Variants in PRKD1 observed in about 807,000 individuals in gnomAD.
The protein encoded by PRKD1 is protein kinase D1.
A neutral mutation model predicts 95.9 loss-of-function variants in PRKD1; 63 were observed. The ratio of observed to expected loss-of-function variants is 0.66; its 90% confidence interval spans 0.54 to 0.81. PRKD1 has a LOEUF of 0.81. Among genes scored for constraint, PRKD1 ranks in the 30% least tolerant of loss-of-function variants. The pLI is 0.00. For synonymous variants in PRKD1, 425 were observed against 423.1 expected, an observed-to-expected ratio of 1.00 and a Z score of -0.05; for missense variants, 1,048 against 1,165.3, an observed-to-expected ratio of 0.90 and a Z score of 1.47.
intron 1 of PRKD1, among the ~76,000 whole-genome samples, chr14:29,905,166 A>T (rs1351918217): frequency 6.6e-6 from 1 of 152,194 alleles, no homozygotes; most frequent in Non-Finnish European, 1.5e-5. Context: ...TTTGGCGCTC[A>T]ACCGAGGGGA....
chr14:29,632,101 A>G (rs1376214243), intron 9 of PRKD1, among the ~76,000 whole-genome samples: 1 of 152,160 alleles, frequency 6.6e-6, no homozygotes, highest in African/African-American at 2.4e-5. Flanking sequence ...GCGCCTGGCC[A>G]ATAGTCATCA....
At chr14:29,750,640 ACACT>A (rs1566579183) in intron 1 of PRKD1, among the ~76,000 whole-genome samples, 1 of 151,668 alleles carries the variant, frequency 6.6e-6, no homozygotes, top group Non-Finnish European at 1.5e-5. Context: ...ACACACACTC[ACACT>A]CACTCAGACT....
chr14:29,857,269 G>T (rs965715535), intron 1 of PRKD1, among the ~76,000 whole-genome samples: 1 of 152,098 alleles, frequency 6.6e-6, no homozygotes, highest in African/African-American at 2.4e-5. Context: ...TCAGGAGCAT[G>T]AACCCTATCC....
intron 1 of PRKD1, among the ~76,000 whole-genome samples, chr14:29,847,627 C>T (rs917249939): frequency 5.3e-5 from 8 of 152,150 alleles, no homozygotes; most frequent in African/African-American, 1.9e-4. Context: ...AACAGACTAA[C>T]AAAAGGATTC....
intron 1 of PRKD1, among the ~76,000 whole-genome samples, chr14:29,805,076 A>G (rs958953704): frequency 1.3e-5 from 2 of 152,230 alleles, no homozygotes; most frequent in African/African-American, 4.8e-5. Context: ...TAATAGCCTT[A>G]AGAATAACAT....
chr14:29,636,393 C>A lies in PRKD1; in HGVS notation c.1087G>T (p.Ala363Ser). ...GCCATCTCTGCATCTTGGACCATTG[C>A]TTCTTCCATATCATCCATGAGCCCA... ...NSGLMDDMEEAMVQDAEMAMA... is the reference protein window; with the variant it reads ...NSGLMDDMEESMVQDAEMAMA... The change falls in exon 7 of 18, where the codon GCA becomes TCA. Residue 363 changes from alanine (A) to serine (S), a missense_variant. This residue lies in a region of PRKD1 where 739 missense variants were observed against 861.9 expected (regional missense o/e 0.86). Transcript: ENST00000331968. The A allele has an allele frequency of 1.2e-6, 2 of 1,614,162 alleles. No individual in the cohort carries two copies. Among genetic ancestry groups the A allele is most frequent in the Non-Finnish European group, 1.7e-6 (2 of 1,180,036 alleles).
chr14:29,851,742 C>T (rs1032879026), intron 1 of PRKD1, among the ~76,000 whole-genome samples: 3 of 151,820 alleles, frequency 2.0e-5, no homozygotes, highest in African/African-American at 7.3e-5. Flanking sequence ...ATCTGTAAAC[C>T]CCAAAATAAA....
intron 1 of PRKD1, among the ~76,000 whole-genome samples, chr14:29,774,549 G>A (rs1888650392): frequency 1.3e-5 from 2 of 152,178 alleles, no homozygotes; most frequent in Admixed American, 1.3e-4. Flanking sequence ...ACCATTGCAG[G>A]TGGAAATACT....
At chr14:29,878,497 A>G (rs1343670930) in intron 1 of PRKD1, among the ~76,000 whole-genome samples, 2 of 152,204 alleles carry the variant, frequency 1.3e-5, no homozygotes, top group Non-Finnish European at 2.9e-5. Flanking sequence ...GCCAAAAGGG[A>G]GAAACAACCA....
chr14:29,613,835 G>GAA (rs1478387336), intron 13 of PRKD1, among the ~76,000 whole-genome samples: 1 of 152,156 alleles, frequency 6.6e-6, no homozygotes, highest in African/African-American at 2.4e-5. Context: ...CCAATCTAAG[G>GAA]AAGGCATACT....
rs577204848 is a variant in PRKD1 at position 29,624,343 on chromosome 14, G to T, written c.1799-85C>A. The T allele has an allele frequency of 1.6e-5, 14 of 867,332 alleles. No homozygotes were observed. In the East Asian group the frequency reaches 3.8e-4, roughly 23 times the overall value. 53.7% of individuals were successfully genotyped at this position (867,332 alleles called of 1,614,324 possible). A position where few individuals can be genotyped will look rare whatever the true frequency, so the allele number is the denominator to read the frequency against. ...ACTAAAATTTGCAAGGACATTTAAA[G>T]AAATGATAAACATATTTCACTGAAT... On this transcript the variant is annotated intron_variant, in intron 12 of 17. Coordinates refer to ENST00000331968, the MANE Select transcript of PRKD1 (RefSeq NM_002742.3).
intron 1 of PRKD1, among the ~76,000 whole-genome samples, chr14:29,838,749 T>A (rs899257005): frequency 6.6e-6 from 1 of 152,194 alleles, no homozygotes; most frequent in African/African-American, 2.4e-5. Flanking sequence ...ATTAAGAAAC[T>A]ATGCATAAAT....
At chr14:29,605,292 T>G (rs1284747231) in intron 13 of PRKD1, among the ~76,000 whole-genome samples, 1 of 152,166 alleles carries the variant, frequency 6.6e-6, no homozygotes, top group Non-Finnish European at 1.5e-5. Context: ...CTGGATAAGG[T>G]GCCTACCCTT....
At chr14:29,753,506 G>A (rs769757496) in intron 1 of PRKD1, among the ~76,000 whole-genome samples, 22 of 151,996 alleles carry the variant, frequency 1.4e-4, no homozygotes, top group South Asian at 2.1e-4. Context: ...GAAACAACAC[G>A]TTTGCCATTT....
chr14:29,715,384 T>C (rs1012997731), intron 2 of PRKD1, among the ~76,000 whole-genome samples: 79 of 152,062 alleles, frequency 5.2e-4, no homozygotes, highest in Admixed American at 3.3e-4. Context: ...TATTGAACAC[T>C]TGAAATGTGG....
intron 1 of PRKD1, among the ~76,000 whole-genome samples, chr14:29,794,610 G>C (rs989682673): frequency 6.6e-6 from 1 of 151,896 alleles, no homozygotes; most frequent in Non-Finnish European, 1.5e-5. Context: ...ATACATATTT[G>C]AAAGGCAAAG....
intron 1 of PRKD1, among the ~76,000 whole-genome samples, chr14:29,813,663 A>G (rs1386686338): frequency 3.3e-5 from 5 of 152,214 alleles, no homozygotes; most frequent in Admixed American, 3.3e-4. Flanking sequence ...TAAATACCAC[A>G]AGGCCTAGCA....
chr14:29,910,263 G>A (rs987234135), intron 1 of PRKD1, among the ~76,000 whole-genome samples: 8 of 151,866 alleles, frequency 5.3e-5, no homozygotes, highest in East Asian at 1.9e-4. Context: ...CAGACGCGCC[G>A]CCTTAAGAGC....
chr14:29,896,837 CA>C (rs1344284863), intron 1 of PRKD1, among the ~76,000 whole-genome samples: 3 of 151,512 alleles, frequency 2.0e-5, no homozygotes, highest in South Asian at 2.1e-4. Context: ...TAATGTTTAG[CA>C]GAAGAATAGG....
Sources: allele counts gnomAD v4.1 joint callset (sites outside exome capture counted in the v4.1 genomes callset), GRCh38; gene constraint gnomAD v4.1.1; regional missense constraint gnomAD v4.1.1; transcripts MANE v1.5; gene names NCBI Gene and HGNC (gene_info 2026-07-23, HGNC 2026-07-21).